Variants in KIF21A observed in about 807,000 individuals in gnomAD.
The protein encoded by KIF21A is kinesin family member 21A.
Under a neutral mutation model 202.9 loss-of-function variants are expected in KIF21A, and 114 were observed. The observed-to-expected ratio is 0.56, with a 90% CI of 0.48 to 0.66. KIF21A has a LOEUF of 0.66. Ranked by LOEUF, KIF21A falls within the 30% of genes least tolerant of loss-of-function variation. The pLI is 0.00. For missense variants in KIF21A, 1,677 were observed against 1,994.9 expected (o/e 0.84, Z 3.04); for synonymous variants, 667 against 670.8 (o/e 0.99, Z 0.09).
intron 29 of KIF21A, 147 bp downstream of exon 29, chr12:39,317,926 C>G: frequency 1.3e-6 from 1 of 793,142 alleles, no homozygotes; most frequent in Non-Finnish European, 2.1e-6. Flanking sequence ...GGTTCCTTTC[C>G]CATTGGAAAG....
At chr12:39,425,236 T>TA (rs900687472) in intron 1 of KIF21A, among the ~76,000 whole-genome samples, 15 of 151,766 alleles carry the variant, frequency 9.9e-5, no homozygotes, top group East Asian at 5.8e-4. Flanking sequence ...TATCTGGATT[T>TA]AAAAAAAAAT....
intron 10 of KIF21A, among the ~76,000 whole-genome samples, chr12:39,355,924 C>G (rs527640582): frequency 6.6e-6 from 1 of 151,678 alleles, no homozygotes; most frequent in Non-Finnish European, 1.5e-5. Context: ...GTTTGAGAAC[C>G]TCTAGAATAG....
intron 12 of KIF21A, among the ~76,000 whole-genome samples, chr12:39,345,283 T>C (rs1353273444): frequency 6.6e-6 from 1 of 152,164 alleles, no homozygotes; most frequent in Non-Finnish European, 1.5e-5. Flanking sequence ...TAATGACGCA[T>C]CTTATTTTTA....
At chr12:39,352,237 GTC>G (rs1379732928) in intron 10 of KIF21A, among the ~76,000 whole-genome samples, 1 of 151,902 alleles carries the variant, frequency 6.6e-6, no homozygotes, top group African/African-American at 2.4e-5. Flanking sequence ...TCTACTTTCT[GTC>G]TCTATGAATC....
At chr12:39,327,383 G>A (rs926565824) in intron 24 of KIF21A, among the ~76,000 whole-genome samples, 1 of 152,090 alleles carries the variant, frequency 6.6e-6, no homozygotes, top group Non-Finnish European at 1.5e-5. Context: ...GATTTTGAAG[G>A]CAATATGTAT....
At chr12:39,309,829 C>A in intron 32 of KIF21A, 63 bp from the exon 33 acceptor site, 1 of 1,312,092 alleles carries the variant, frequency 7.6e-7, no homozygotes, top group Non-Finnish European at 1.1e-6. Context: ...GTTCTCTTAA[C>A]AATAAAAATT....
At chr12:39,376,360 T>C (rs1310625440) in intron 1 of KIF21A, among the ~76,000 whole-genome samples, 1 of 152,072 alleles carries the variant, frequency 6.6e-6, no homozygotes, top group Non-Finnish European at 1.5e-5. Flanking sequence ...CAGTATAGGG[T>C]ACAATAGGAG....
At position 39,431,283 on chromosome 12, in the gene KIF21A, T is replaced by C. The variant is rs557185119; in HGVS notation, c.44+11644A>G. ...CCACATGAGTTGAAGGAGACCCCAG[T>C]TGGGACAAAAGGGGACAAGTTTCCC... is the stretch of plus-strand genomic sequence containing the variant. On this transcript the variant is annotated intron_variant, in intron 1 of 37. Transcript: ENST00000361418. 2.0e-5 allele frequency among the ~76,000 whole-genome samples: 3 copies of C among 152,254 alleles called. No individual in the cohort carries two copies. In the South Asian group the frequency reaches 6.2e-4, roughly 32 times the overall value.
intron 31 of KIF21A, among the ~76,000 whole-genome samples, chr12:39,314,264 T>C (rs1461091471): frequency 1.3e-5 from 2 of 151,826 alleles, no homozygotes. Context: ...ATGATTTGCA[T>C]ACATGTGTCA....
At position 39,357,454 on chromosome 12, in the gene KIF21A, A is replaced by G. The variant is rs749399780; in HGVS notation, c.1216-17T>C. ...TCTTTTACCCTAGTAAAGGAAAATA[A>G]TGTCCTTGTTGGTTGAGGAGCCTTA... On this transcript the variant is annotated splice_polypyrimidine_tract_variant and intron_variant, in intron 8 of 37. Coordinates refer to ENST00000361418, the MANE Select transcript of KIF21A (RefSeq NM_001173464.2). 6.2e-7 allele frequency: 1 copy of G among 1,605,520 alleles called. No homozygotes were observed. The highest frequency in any genetic ancestry group is 1.7e-5 in the Admixed American group (1 of 60,020).
At chr12:39,410,546 A>G (rs983681850) in intron 1 of KIF21A, among the ~76,000 whole-genome samples, 17 of 152,212 alleles carry the variant, frequency 1.1e-4, no homozygotes, top group Admixed American at 1.1e-3. Context: ...TAGAAGAGAT[A>G]TGAAAGATTT....
intron 5 of KIF21A, 141 bp downstream of exon 5, chr12:39,366,889 A>G (rs1949637969): frequency 2.3e-6 from 2 of 872,678 alleles, no homozygotes; most frequent in Non-Finnish European, 1.8e-6. Flanking sequence ...ACCAGCTTCA[A>G]CTTAACTAGG....
Position 39,366,463 on chromosome 12 carries a change from C to T in KIF21A, c.790G>A (p.Glu264Lys), listed in dbSNP as rs1949612006. 1 of 1,613,288 alleles carries T rather than the reference C, an allele frequency of 6.2e-7. No homozygotes were observed. Among genetic ancestry groups the T allele is most frequent in the Non-Finnish European group, 8.5e-7 (1 of 1,179,404 alleles). Residue 264 changes from glutamate (E) to lysine (K), a missense_variant, in exon 6 of 38, where the codon GAA becomes AAA. Glu to Lys is a moderately conservative substitution (Grantham distance 56, BLOSUM62 1). Transcript: ENST00000361418. Reference sequence around the variant, plus strand: ...AAATGGAACTTTGCAGTCAGGGTTTCAAATTCATTCATCTGTGCTGATTCA... The same window carrying T: ...AAATGGAACTTTGCAGTCAGGGTTTTAAATTCATTCATCTGTGCTGATTCA... Reference protein sequence around the residue: ...ISESAQMNEFETLTAKFHFVD... With the variant: ...ISESAQMNEFKTLTAKFHFVD...
Position 39,442,941 on chromosome 12 carries a change from C to T in KIF21A, c.30G>A (p.Val10=), listed in dbSNP as rs1325199235. 3 of 1,524,486 alleles carry T rather than the reference C, an allele frequency of 2.0e-6. No homozygotes were observed. In the Admixed American group the frequency reaches 5.9e-5, roughly 30 times the overall value. The allele number at this position is 1,524,486 out of a possible 1,614,324, so 94.4% of individuals were successfully genotyped here. The change falls in exon 1 of 38, where the codon GTG becomes GTA. Residue 10 remains valine (V), a synonymous_variant. Transcript: ENST00000361418. The surrounding 1 kb of genome is among the most constrained non-coding windows in gnomAD (Gnocchi z 5.0). MLGAPDESS[V]RVAVRIRPQL... ...ACTGTCCTCACCTGACAGCCACCCG[C>T]ACGGAGCTCTCGTCCGGGGCGCCCA...
intron 1 of KIF21A, among the ~76,000 whole-genome samples, chr12:39,377,765 A>G (rs894052159): frequency 6.6e-6 from 1 of 152,200 alleles, no homozygotes; most frequent in African/African-American, 2.4e-5. Context: ...CCTAAAGACA[A>G]TAAAGCACAG....
chr12:39,312,056 G>A, intron 31 of KIF21A: 3 of 153,776 alleles, frequency 2.0e-5, no homozygotes, highest in Admixed American at 1.3e-4. Context: ...AATTCTAAAG[G>A]GACAATGGGT....
At chr12:39,387,699 G>T (rs1243953017) in intron 1 of KIF21A, among the ~76,000 whole-genome samples, 1 of 152,138 alleles carries the variant, frequency 6.6e-6, no homozygotes, top group African/African-American at 2.4e-5. Flanking sequence ...AGATGGCAAA[G>T]AAATTAGCTT....
At chr12:39,330,691 T>C in intron 23 of KIF21A, 55 bp downstream of exon 23, 1 of 1,529,684 alleles carries the variant, frequency 6.5e-7, no homozygotes. Context: ...TATACCATGT[T>C]CAAAAAGCAA....
At chr12:39,418,817 A>C (rs1392550389) in intron 1 of KIF21A, among the ~76,000 whole-genome samples, 1 of 152,228 alleles carries the variant, frequency 6.6e-6, no homozygotes, top group Non-Finnish European at 1.5e-5. Flanking sequence ...CAGCCCCCAG[A>C]ACATGTTCCA....
Sources: gnomAD v4.1 joint callset for allele counts (sites outside exome capture counted in the v4.1 genomes callset) on GRCh38, gnomAD v4.1.1 for gene constraint, Gnocchi (gnomAD v3.1) non-coding constraint, MANE v1.5 for transcripts, NCBI Gene and HGNC (gene_info 2026-07-23, HGNC 2026-07-21) for gene names.